SPIDR: variants seen among roughly 807,000 people sequenced by gnomAD.
SPIDR encodes DNA repair-scaffolding protein.
A neutral mutation model predicts 104.6 loss-of-function variants in SPIDR; 93 were observed. The observed-to-expected ratio is 0.89, with a 90% CI of 0.75 to 1.06. SPIDR has a LOEUF of 1.06. Ranked by LOEUF, SPIDR falls within the 50% of genes least tolerant of loss-of-function variation. SPIDR has a pLI of 0.00. For missense variants in SPIDR, 1,154 were observed against 1,111.2 expected (o/e 1.04, Z -0.55); for synonymous variants, 431 against 416.9 (o/e 1.03, Z -0.41).
At chr8:47,300,854 T>C (rs2041952197) in intron 5 of SPIDR, among the ~76,000 whole-genome samples, 1 of 152,002 alleles carries the variant, frequency 6.6e-6, no homozygotes, top group African/African-American at 2.4e-5. Context: ...TGCTGAGGAG[T>C]GCTTTACTTC....
chr8:47,405,553 G>A (rs1197235962), intron 6 of SPIDR, among the ~76,000 whole-genome samples: 2 of 151,858 alleles, frequency 1.3e-5, no homozygotes, highest in East Asian at 3.9e-4. Flanking sequence ...TCTCCATATT[G>A]TTTTTATAGA....
intron 7 of SPIDR, among the ~76,000 whole-genome samples, chr8:47,422,035 C>G (rs1017279457): frequency 2.2e-4 from 33 of 152,332 alleles, no homozygotes; most frequent in African/African-American, 7.9e-4. Flanking sequence ...GGGTGCCTCA[C>G]AGTTGGGCTA....
At chr8:47,479,990 C>CA (rs561551789) in intron 8 of SPIDR, among the ~76,000 whole-genome samples, 18 of 152,098 alleles carry the variant, frequency 1.2e-4, no homozygotes, top group Admixed American at 5.2e-4. Context: ...GACCACCAGC[C>CA]AAAAAAGGTG....
chr8:47,304,144 G>T (rs2042727660), intron 5 of SPIDR, among the ~76,000 whole-genome samples: 1 of 152,114 alleles, frequency 6.6e-6, no homozygotes, highest in Non-Finnish European at 1.5e-5. Flanking sequence ...CAAAACTCTT[G>T]TTGAAATTTA....
intron 5 of SPIDR, among the ~76,000 whole-genome samples, chr8:47,337,151 A>G (rs1468848912): frequency 6.6e-6 from 1 of 152,076 alleles, no homozygotes; most frequent in Non-Finnish European, 1.5e-5. Flanking sequence ...TTTTTGAGAC[A>G]GAGTCTTGCT....
At chr8:47,729,114 C>G in intron 18 of SPIDR, 67 bp downstream of exon 18, 5 of 1,584,290 alleles carry the variant, frequency 3.2e-6, no homozygotes, top group Non-Finnish European at 2.6e-6. Context: ...TGAGACAGAG[C>G]TGAAGCAGGT....
intron 8 of SPIDR, among the ~76,000 whole-genome samples, chr8:47,473,967 G>C (rs1327857396): frequency 6.6e-6 from 1 of 152,150 alleles, no homozygotes; most frequent in Admixed American, 6.5e-5. Context: ...GGAGAGGTAG[G>C]TGGTGTTCAC....
intron 5 of SPIDR, among the ~76,000 whole-genome samples, chr8:47,390,320 G>A (rs1554651000): frequency 1.3e-5 from 2 of 152,140 alleles, no homozygotes; most frequent in Middle Eastern, 3.4e-3. Flanking sequence ...GTACACACAT[G>A]TTACAGTTTT....
At chr8:47,272,782 A>G (rs2035600162) in intron 1 of SPIDR, among the ~76,000 whole-genome samples, 1 of 151,906 alleles carries the variant, frequency 6.6e-6, no homozygotes, top group Admixed American at 6.6e-5. Flanking sequence ...AAAGGTGAGG[A>G]CAGCAGTATT....
At chr8:47,460,268 A>C (rs1179215102) in intron 8 of SPIDR, among the ~76,000 whole-genome samples, 1 of 152,078 alleles carries the variant, frequency 6.6e-6, no homozygotes, top group Non-Finnish European at 1.5e-5. Context: ...GTTGCTGTCT[A>C]TCTCGTTACT....
At chr8:47,387,499 TGTTA>T (rs1343141055) in intron 5 of SPIDR, among the ~76,000 whole-genome samples, 1 of 152,156 alleles carries the variant, frequency 6.6e-6, no homozygotes, top group Non-Finnish European at 1.5e-5. Flanking sequence ...GGCACATCCT[TGTTA>T]GTTTTAGAGG....
intron 6 of SPIDR, among the ~76,000 whole-genome samples, chr8:47,405,594 C>T (rs1274869227): frequency 6.6e-6 from 1 of 152,054 alleles, no homozygotes; most frequent in African/African-American, 2.4e-5. Context: ...TGATACCAGT[C>T]ATCTTTTGAG....
intron 5 of SPIDR, among the ~76,000 whole-genome samples, chr8:47,378,507 A>T (rs1210887751): frequency 1.3e-5 from 2 of 152,126 alleles, no homozygotes; most frequent in African/African-American, 4.8e-5. Context: ...TATAGATTTT[A>T]CTCTCTTATT....
Position 47,652,381 on chromosome 8 carries a change from C to T in SPIDR, c.1545-21420C>T, listed in dbSNP as rs929089014. 4.6e-5 allele frequency among the ~76,000 whole-genome samples: 7 copies of T among 152,304 alleles called. No homozygotes were observed. The South Asian group carries it at 1.4e-3, about 32-fold the overall frequency. On this transcript the variant is annotated intron_variant, in intron 10 of 19. Coordinates refer to ENST00000297423, the MANE Select transcript of SPIDR (RefSeq NM_001080394.4). ...GTCCTAGAGGCCGTGTTTTGCTGGG[C>T]ACCCAGGTCCAGTGGAAAGGGCAGG...
intron 8 of SPIDR, among the ~76,000 whole-genome samples, chr8:47,558,222 A>G (rs1035760101): frequency 1.1e-4 from 17 of 152,204 alleles, no homozygotes; most frequent in African/African-American, 3.9e-4. Flanking sequence ...TTGAGGTGAC[A>G]GCATCAGTAG....
chr8:47,269,059 C>T (rs918702671), intron 1 of SPIDR, among the ~76,000 whole-genome samples: 5 of 151,138 alleles, frequency 3.3e-5, no homozygotes, highest in Non-Finnish European at 5.9e-5. Flanking sequence ...CCCAGCTACT[C>T]GGGAGGCTGA....
At chr8:47,419,585 A>AT (rs1378621185) in intron 7 of SPIDR, among the ~76,000 whole-genome samples, 6 of 151,974 alleles carry the variant, frequency 3.9e-5, no homozygotes, top group East Asian at 1.9e-4. Context: ...GGATTCATTG[A>AT]TTTTTTTGAA....
At chr8:47,735,243 G>A (rs1446284801) in intron 19 of SPIDR, 64 bp from the exon 20 acceptor site, 29 of 1,528,608 alleles carry the variant, frequency 1.9e-5, no homozygotes, top group Non-Finnish European at 2.4e-5. Flanking sequence ...CTGGTTTTCC[G>A]TGTTGTTGGG....
intron 3 of SPIDR, among the ~76,000 whole-genome samples, chr8:47,285,052 T>C (rs1452225282): frequency 6.6e-6 from 1 of 152,226 alleles, no homozygotes; most frequent in Non-Finnish European, 1.5e-5. Context: ...GTTTTGTATC[T>C]GGAGAATGGG....
Sources: gnomAD v4.1 joint callset for allele counts (sites outside exome capture counted in the v4.1 genomes callset) on GRCh38, gnomAD v4.1.1 for gene constraint, MANE v1.5 for transcripts, NCBI Gene and HGNC (gene_info 2026-07-23, HGNC 2026-07-21) for gene names.